The following RHOBTB1 variants were observed in gnomAD, a reference collection of about 807,000 sequenced individuals.
RHOBTB1 encodes rho-related BTB domain-containing protein 1.
In RHOBTB1, 40 loss-of-function variants were observed where a neutral mutation model predicts 71.6. The ratio of observed to expected loss-of-function variants is 0.56; its 90% CI spans 0.43 to 0.73. The LOEUF is 0.73. Ranked by LOEUF, RHOBTB1 falls within the 30% of genes least tolerant of loss-of-function variation. The pLI is 0.00. For synonymous variants in RHOBTB1, 319 were observed against 334.9 expected, an observed-to-expected ratio of 0.95 and a Z score of 0.52; for missense variants, 797 against 894.0, an observed-to-expected ratio of 0.89 and a Z score of 1.38.
At chr10:60,904,724 C>G (rs2082579751) in intron 4 of RHOBTB1, among the ~76,000 whole-genome samples, 1 of 152,220 alleles carries the variant, frequency 6.6e-6, no homozygotes, top group Non-Finnish European at 1.5e-5. Flanking sequence ...TTCCAGAACT[C>G]TTACATCCGA....
intron 4 of RHOBTB1, among the ~76,000 whole-genome samples, chr10:60,901,715 A>C (rs557912478): frequency 6.6e-6 from 1 of 152,374 alleles, no homozygotes; most frequent in South Asian, 2.1e-4. Context: ...ATGAAAAGTC[A>C]ACATACTTAG....
intron 7 of RHOBTB1, among the ~76,000 whole-genome samples, chr10:60,878,542 C>G (rs2081158314): frequency 6.6e-6 from 1 of 152,224 alleles, no homozygotes; most frequent in African/African-American, 2.4e-5. Context: ...GAAATTCTGT[C>G]AGTATATGCA....
chr10:61,001,346 G>C (rs1022239814), intron 1 of RHOBTB1: 1 of 151,362 alleles, frequency 6.6e-6, no homozygotes, highest in Non-Finnish European at 1.5e-5. Context: ...ACCCTGGCGC[G>C]GCTCCTCCCG....
rs2086665686 is a variant in RHOBTB1 at position 60,986,412 on chromosome 10, T to TATATAG, written c.-162-468_-162-467insCTATAT. Among the ~76,000 whole-genome samples the TATATAG allele has an allele frequency of 2.8e-5, 4 of 142,974 alleles. No homozygotes were observed. The South Asian group carries it at 8.7e-4, about 31-fold the overall frequency. The allele number at this position is 142,974 out of a possible 152,430, so 93.8% of individuals were successfully genotyped here. ...ATGAAATATAAATAAAAGATATATA[T>TATATAG]ATATATATATATATATATAAAATAT... On this transcript the variant is annotated intron_variant, in intron 1 of 11. Transcript: ENST00000357917.
At chr10:60,889,937 C>T (rs1055405122) in intron 5 of RHOBTB1, among the ~76,000 whole-genome samples, 1 of 152,190 alleles carries the variant, frequency 6.6e-6, no homozygotes, top group Non-Finnish European at 1.5e-5. Context: ...CCTTTATCAA[C>T]AGCATCTCAT....
chr10:60,974,154 A>G (rs546775269), intron 2 of RHOBTB1, among the ~76,000 whole-genome samples: 2 of 152,190 alleles, frequency 1.3e-5, no homozygotes, highest in African/African-American at 2.4e-5. Flanking sequence ...ATCAGTTAAG[A>G]GTGTTGTCAC....
At chr10:60,934,301 A>C (rs1180374888) in intron 2 of RHOBTB1, among the ~76,000 whole-genome samples, 1 of 152,174 alleles carries the variant, frequency 6.6e-6, no homozygotes. Context: ...CAGACGTCCC[A>C]CTCATCAATA....
chr10:60,987,852 C>A (rs2086717974), intron 1 of RHOBTB1, among the ~76,000 whole-genome samples: 1 of 151,384 alleles, frequency 6.6e-6, no homozygotes, highest in Non-Finnish European at 1.5e-5. Context: ...CCCCCTAACC[C>A]CTGACAAAAG....
chr10:60,976,257 T>C (rs970790158), intron 2 of RHOBTB1, among the ~76,000 whole-genome samples: 1 of 151,884 alleles, frequency 6.6e-6, no homozygotes. Flanking sequence ...AAAATTTATG[T>C]ACTTCATATA....
At chr10:60,987,513 A>G (rs1369144861) in intron 1 of RHOBTB1, among the ~76,000 whole-genome samples, 2 of 152,044 alleles carry the variant, frequency 1.3e-5, no homozygotes, top group African/African-American at 4.8e-5. Context: ...AAAAAGCCCT[A>G]TTTCCCATTG....
chr10:60,914,701 GA>G (rs1409319203), intron 2 of RHOBTB1, among the ~76,000 whole-genome samples: 1 of 152,158 alleles, frequency 6.6e-6, no homozygotes, highest in Admixed American at 6.5e-5. Context: ...AGATTACTTT[GA>G]GAGTAACAGG....
intron 2 of RHOBTB1, among the ~76,000 whole-genome samples, chr10:60,937,947 G>C (rs4542350): frequency 0.046 from 7,057 of 152,224 alleles, 269 homozygotes; most frequent in African/African-American, 0.099. Context: ...ACCCTCTGAG[G>C]GGGGAGGGGA....
intron 6 of RHOBTB1, among the ~76,000 whole-genome samples, chr10:60,886,812 G>A (rs1049607700): frequency 6.6e-6 from 1 of 151,548 alleles, no homozygotes; most frequent in African/African-American, 2.4e-5. Context: ...AGCTGGGACT[G>A]TGGGCAAATT....
intron 6 of RHOBTB1, 108 bp downstream of exon 6, chr10:60,888,104 G>A: frequency 8.1e-7 from 1 of 1,241,906 alleles, no homozygotes; most frequent in East Asian, 2.5e-5. Context: ...GAAAAAATAA[G>A]TACGTATAAA....
intron 1 of RHOBTB1, among the ~76,000 whole-genome samples, chr10:60,998,091 G>A (rs1036909495): frequency 6.6e-6 from 1 of 152,108 alleles, no homozygotes; most frequent in African/African-American, 2.4e-5. Flanking sequence ...CGTAAAATAT[G>A]GGGTTGTACT....
At chr10:60,984,440 A>G (rs2086597925) in intron 2 of RHOBTB1, among the ~76,000 whole-genome samples, 1 of 152,224 alleles carries the variant, frequency 6.6e-6, no homozygotes, top group African/African-American at 2.4e-5. Flanking sequence ...AGCCTTAATG[A>G]GAGATATTAT....
chr10:60,936,979 T>C (rs987253916), intron 2 of RHOBTB1, among the ~76,000 whole-genome samples: 65 of 152,326 alleles, frequency 4.3e-4, no homozygotes, highest in Admixed American at 3.3e-3. Context: ...TCTTGCAATA[T>C]GCATTTACCA....
At chr10:60,976,317 T>C in intron 2 of RHOBTB1, among the ~76,000 whole-genome samples, 1 of 151,660 alleles carries the variant, frequency 6.6e-6, no homozygotes, top group South Asian at 2.1e-4. Context: ...TATATGTATA[T>C]ATATTATATA....
Position 60,953,773 on chromosome 10 carries a change from G to GA in RHOBTB1, c.-61-11920dup, listed in dbSNP as rs201028853. ...TAAAACAGTTGAGGTGGCTAATGAT[G>GA]AAAAAAAAAGCATATATATCCTGAA... On this transcript the variant is annotated intron_variant, in intron 2 of 11. Coordinates refer to the RHOBTB1 transcript ENST00000357917. 4.4e-3 allele frequency among the ~76,000 whole-genome samples: 647 copies of GA among 147,514 alleles called. 2 individuals carry two copies. The highest frequency in any genetic ancestry group is 7.3e-3 in the Non-Finnish European group (483 of 65,988).
Sources: gnomAD v4.1 joint callset for allele counts (sites outside exome capture counted in the v4.1 genomes callset) on GRCh38, gnomAD v4.1.1 for gene constraint, MANE v1.5 for transcripts, NCBI Gene and HGNC (gene_info 2026-07-23, HGNC 2026-07-21) for gene names.